The following JARID2 variants were observed in gnomAD, a reference collection of about 807,000 sequenced individuals.
The protein encoded by JARID2 is protein Jumonji.
JARID2 carries 21 observed loss-of-function variants against 125.6 expected under a neutral mutation model. The observed-to-expected ratio is 0.17, with a 90% CI of 0.12 to 0.24. JARID2 has a LOEUF of 0.24. Ranked by LOEUF, JARID2 falls within the 10% of genes least tolerant of loss-of-function variation. The pLI is 1.00. For missense variants in JARID2, 1,303 were observed against 1,639.6 expected (o/e 0.79, Z 3.55); for synonymous variants, 736 against 661.6 (o/e 1.11, Z -1.73).
chr6:15,297,552 G>T (rs751741414), intron 1 of JARID2, among the ~76,000 whole-genome samples: 45 of 150,942 alleles, frequency 3.0e-4, no homozygotes, highest in Non-Finnish European at 5.5e-4. Flanking sequence ...TGTTACCCAG[G>T]CTAGTCTTGA....
At chr6:15,494,224 A>T (rs1770293665) in intron 6 of JARID2, among the ~76,000 whole-genome samples, 1 of 152,130 alleles carries the variant, frequency 6.6e-6, no homozygotes, top group South Asian at 2.1e-4. Flanking sequence ...CTGATACTTC[A>T]TTCAGTGGTT....
chr6:15,445,747 C>A (rs1487985091), intron 3 of JARID2, among the ~76,000 whole-genome samples: 1 of 152,154 alleles, frequency 6.6e-6, no homozygotes, highest in Non-Finnish European at 1.5e-5. Flanking sequence ...GCGCCTTGTG[C>A]CACAGGGTGA....
At chr6:15,393,567 T>G (rs1029880544) in intron 2 of JARID2, among the ~76,000 whole-genome samples, 6 of 152,238 alleles carry the variant, frequency 3.9e-5, no homozygotes, top group Non-Finnish European at 7.3e-5. Flanking sequence ...AATTCAAGAT[T>G]TCAGAAAACT....
chr6:15,307,996 C>T (rs1469361077), intron 1 of JARID2, among the ~76,000 whole-genome samples: 1 of 152,144 alleles, frequency 6.6e-6, no homozygotes, highest in African/African-American at 2.4e-5. Context: ...TGGTTTTGTT[C>T]TGCTCAAAAC....
rs186221427 is a variant in JARID2 at position 15,336,252 on chromosome 6, G to C, written c.46-37865G>C. Among the ~76,000 whole-genome samples the C allele has an allele frequency of 2.8e-4, 43 of 152,384 alleles. No individual in the cohort carries two copies. In the East Asian group the frequency reaches 4.4e-3, roughly 16 times the overall value. On this transcript the variant is annotated intron_variant, in intron 1 of 17. Coordinates refer to ENST00000341776, the MANE Select transcript of JARID2 (RefSeq NM_004973.4). ...GGGAATCTGAGGGAGGGAAGGAAAAGTATATCAAGCCTAACTAATTTATTT... is the reference window on the plus strand; with the variant it reads ...GGGAATCTGAGGGAGGGAAGGAAAACTATATCAAGCCTAACTAATTTATTT...
At chr6:15,315,241 A>T (rs961323773) in intron 1 of JARID2, among the ~76,000 whole-genome samples, 1 of 152,232 alleles carries the variant, frequency 6.6e-6, no homozygotes, top group East Asian at 1.9e-4. Context: ...CAGAAAGAAG[A>T]GTTTAGACAT....
chr6:15,502,506 A>G (rs1403660242), intron 8 of JARID2, among the ~76,000 whole-genome samples: 2 of 152,182 alleles, frequency 1.3e-5, no homozygotes, highest in Admixed American at 6.5e-5. Context: ...GTTATCACTA[A>G]ACACCACCAT....
intron 4 of JARID2, among the ~76,000 whole-genome samples, chr6:15,457,063 T>G (rs1055933866): frequency 2.6e-5 from 4 of 152,178 alleles, no homozygotes; most frequent in Non-Finnish European, 5.9e-5. Flanking sequence ...TGTGTGCATG[T>G]ATAATACATA....
chr6:15,507,068 G>A (rs564943625), intron 9 of JARID2, 68 bp from the exon 10 acceptor site: 2 of 969,822 alleles, frequency 2.1e-6, no homozygotes, highest in East Asian at 2.4e-5. Context: ...CAGTTTTGTT[G>A]GGTTGAACTG....
intron 1 of JARID2, among the ~76,000 whole-genome samples, chr6:15,273,790 GA>G (rs1271000508): frequency 1.3e-5 from 2 of 152,072 alleles, no homozygotes; most frequent in Non-Finnish European, 2.9e-5. Flanking sequence ...AAATTAGTAG[GA>G]CCCTGGCTTT....
chr6:15,264,152 T>C (rs147223092), intron 1 of JARID2, among the ~76,000 whole-genome samples: 125 of 152,290 alleles, frequency 8.2e-4, no homozygotes, highest in African/African-American at 2.9e-3. Context: ...CCTAGTGGTA[T>C]TGAGAAGCAT....
At chr6:15,485,808 T>G (rs961721628) in intron 5 of JARID2, among the ~76,000 whole-genome samples, 1 of 152,182 alleles carries the variant, frequency 6.6e-6, no homozygotes, top group African/African-American at 2.4e-5. Flanking sequence ...TTTAAAGGAC[T>G]CTTAAAATTC....
chr6:15,408,430 G>A (rs921170122), intron 2 of JARID2, among the ~76,000 whole-genome samples: 4 of 151,870 alleles, frequency 2.6e-5, no homozygotes, highest in Non-Finnish European at 4.4e-5. Flanking sequence ...TATGTTCCTT[G>A]GCCAACTCTA....
At chr6:15,396,111 C>T (rs750048904) in intron 2 of JARID2, among the ~76,000 whole-genome samples, 11 of 152,172 alleles carry the variant, frequency 7.2e-5, no homozygotes, top group Non-Finnish European at 1.3e-4. Flanking sequence ...TTTGACTTGG[C>T]ATTATTTCTG....
At chr6:15,281,722 G>C (rs1177125116) in intron 1 of JARID2, among the ~76,000 whole-genome samples, 1 of 152,200 alleles carries the variant, frequency 6.6e-6, no homozygotes, top group East Asian at 1.9e-4. Flanking sequence ...GATAGGACTA[G>C]TGTACTGTAG....
intron 1 of JARID2, chr6:15,247,933 G>T: frequency 3.0e-6 from 3 of 985,480 alleles, no homozygotes; most frequent in African/African-American, 1.7e-5. Context: ...CCTTGTCTTG[G>T]AGCGTGGACG....
intron 3 of JARID2, among the ~76,000 whole-genome samples, chr6:15,416,523 C>CA (rs937662620): frequency 7.2e-5 from 11 of 152,176 alleles, no homozygotes; most frequent in Non-Finnish European, 1.2e-4. Context: ...CCGTCTCCAC[C>CA]AAAAAAATAC....
At chr6:15,506,101 G>C (rs1770992569) in intron 9 of JARID2, among the ~76,000 whole-genome samples, 1 of 152,254 alleles carries the variant, frequency 6.6e-6, no homozygotes, top group Non-Finnish European at 1.5e-5. Flanking sequence ...TAAACACAAA[G>C]GGGAGATTTG....
At chr6:15,488,156 A>C (rs1769974005) in intron 6 of JARID2, among the ~76,000 whole-genome samples, 1 of 151,474 alleles carries the variant, frequency 6.6e-6, no homozygotes, top group South Asian at 2.1e-4. Flanking sequence ...CTGTCCCCCC[A>C]CCCGCTATCC....
Sources: gnomAD v4.1 joint callset for allele counts (sites outside exome capture counted in the v4.1 genomes callset) on GRCh38, gnomAD v4.1.1 for gene constraint, MANE v1.5 for transcripts, NCBI Gene and HGNC (gene_info 2026-07-23, HGNC 2026-07-21) for gene names.